ADK: variants seen among roughly 807,000 people sequenced by gnomAD.
ADK encodes the protein adenosine kinase.
ADK carries 24 observed loss-of-function variants against 44.7 expected under a neutral mutation model. That is an observed-to-expected ratio of 0.54 (90% CI 0.39 to 0.76). The LOEUF is 0.76. Ranked by LOEUF, ADK falls within the 30% of genes least tolerant of loss-of-function variation. The pLI is 0.00. For missense variants in ADK, 321 were observed against 425.1 expected, an observed-to-expected ratio of 0.76 and a Z score of 2.15; for synonymous variants, 128 against 142.6, an observed-to-expected ratio of 0.90 and a Z score of 0.73.
intron 4 of ADK, among the ~76,000 whole-genome samples, chr10:74,375,445 G>A (rs1288751609): frequency 6.6e-6 from 1 of 152,186 alleles, no homozygotes; most frequent in Non-Finnish European, 1.5e-5. Flanking sequence ...AGTTGTGCAA[G>A]AATGGATGTA....
intron 2 of ADK, among the ~76,000 whole-genome samples, chr10:74,222,492 C>T (rs948057745): frequency 2.0e-5 from 3 of 151,846 alleles, no homozygotes; most frequent in Non-Finnish European, 4.4e-5. Context: ...ACCATTTGAC[C>T]CAGCCATCCC....
At chr10:74,504,529 A>G (rs761290838) in intron 6 of ADK, among the ~76,000 whole-genome samples, 1 of 152,184 alleles carries the variant, frequency 6.6e-6, no homozygotes, top group Non-Finnish European at 1.5e-5. Flanking sequence ...TGTATATTAT[A>G]TGTATTATAC....
intron 6 of ADK, among the ~76,000 whole-genome samples, chr10:74,496,378 C>G (rs960414025): frequency 6.6e-6 from 1 of 152,160 alleles, no homozygotes; most frequent in Admixed American, 6.5e-5. Flanking sequence ...TTCCTCCATG[C>G]TGTTCTCATG....
At chr10:74,177,035 T>C (rs1050672241) in intron 1 of ADK, 22 of 1,188,002 alleles carry the variant, frequency 1.9e-5, no homozygotes, top group Admixed American at 2.0e-5. Context: ...CACTTTTCAT[T>C]TGGGCATTTC....
intron 1 of ADK, among the ~76,000 whole-genome samples, chr10:74,163,926 C>T (rs549248660): frequency 1.3e-5 from 2 of 152,230 alleles, no homozygotes; most frequent in African/African-American, 4.8e-5. Context: ...TTTCTCAGCC[C>T]AGCTGAGACC....
chr10:74,598,468 T>TTTG (rs1852006188), intron 8 of ADK, among the ~76,000 whole-genome samples: 1 of 143,214 alleles, frequency 7.0e-6, no homozygotes, highest in Non-Finnish European at 1.5e-5. Context: ...TTTTTTTTTT[T>TTTG]GAGATGGCGT....
intron 3 of ADK, among the ~76,000 whole-genome samples, chr10:74,262,328 AAAC>A: frequency 6.6e-6 from 1 of 151,946 alleles, no homozygotes; most frequent in African/African-American, 2.4e-5. Context: ...AAAAAAAAAA[AAAC>A]AAAAAAACTC....
chr10:74,606,787 G>A (rs1426780156), intron 9 of ADK, among the ~76,000 whole-genome samples: 1 of 152,026 alleles, frequency 6.6e-6, no homozygotes, highest in African/African-American at 2.4e-5. Context: ...CCTGAATATC[G>A]TTGTTAATTT....
chr10:74,359,043 T>A (rs1842236651), intron 4 of ADK, among the ~76,000 whole-genome samples: 1 of 152,186 alleles, frequency 6.6e-6, no homozygotes, highest in Non-Finnish European at 1.5e-5. Flanking sequence ...CAAGCAATCC[T>A]CCTGTCTCTG....
intron 1 of ADK, among the ~76,000 whole-genome samples, chr10:74,191,044 A>G (rs938484921): frequency 2.1e-5 from 3 of 143,104 alleles, no homozygotes; most frequent in Admixed American, 1.5e-4. Flanking sequence ...GCAATGGTGT[A>G]ATTTTGGCTC....
In ADK at chr10:74,559,335, G is replaced by A. The variant is rs542421578; in HGVS notation, c.727-29947G>A. ...TTTAATGAAATCATACTTTAATTCT[G>A]TTTTGTATCTTCTCACATAAAATAG... is the stretch of plus-strand genomic sequence containing the variant. On this transcript the variant is annotated intron_variant, in intron 7 of 10. Transcript: ENST00000539909. 9.2e-5 allele frequency among the ~76,000 whole-genome samples: 14 copies of A among 152,318 alleles called. No individual in the cohort carries two copies. The South Asian group carries it at 2.9e-3, about 32-fold the overall frequency.
At chr10:74,704,478 T>C (rs1212678226) in intron 10 of ADK, among the ~76,000 whole-genome samples, 1 of 152,244 alleles carries the variant, frequency 6.6e-6, no homozygotes, top group Non-Finnish European at 1.5e-5. Flanking sequence ...TCACATCAGA[T>C]ACTTTTTGAA....
At chr10:74,256,751 C>T (rs1845838118) in intron 3 of ADK, among the ~76,000 whole-genome samples, 1 of 152,054 alleles carries the variant, frequency 6.6e-6, no homozygotes, top group Admixed American at 6.6e-5. Flanking sequence ...AGAAAATGAC[C>T]TTATTGTTTT....
intron 4 of ADK, among the ~76,000 whole-genome samples, chr10:74,383,631 G>A (rs1843048692): frequency 6.6e-6 from 1 of 152,096 alleles, no homozygotes; most frequent in Non-Finnish European, 1.5e-5. Flanking sequence ...GTAACATAGA[G>A]GGAAATGAAG....
At chr10:74,346,258 T>C (rs897395912) in intron 4 of ADK, among the ~76,000 whole-genome samples, 2 of 152,122 alleles carry the variant, frequency 1.3e-5, no homozygotes, top group Non-Finnish European at 2.9e-5. Context: ...ATGGTACATA[T>C]CATCACCAAA....
At chr10:74,402,578 T>C (rs1843756634) in intron 6 of ADK, among the ~76,000 whole-genome samples, 1 of 152,210 alleles carries the variant, frequency 6.6e-6, no homozygotes, top group Admixed American at 6.5e-5. Context: ...TCTCGTGCCA[T>C]GGTTTTCAGC....
At chr10:74,620,719 T>A (rs533848856) in intron 9 of ADK, among the ~76,000 whole-genome samples, 1 of 152,274 alleles carries the variant, frequency 6.6e-6, no homozygotes, top group South Asian at 2.1e-4. Flanking sequence ...TTTTCTCTTT[T>A]TAATGATAGC....
At position 74,624,409 on chromosome 10, in the gene ADK, A is replaced by G. The variant is rs1460013395; in HGVS notation, c.877+23916A>G. ...GTTTTTAAAGCCTTTCTGGTTTAAT[A>G]AACAATTCTAAAATCTCAAGAAAAT... On this transcript the variant is annotated intron_variant, in intron 9 of 10. Coordinates refer to ENST00000539909, the MANE Select transcript of ADK (RefSeq NM_006721.4). Among the ~76,000 whole-genome samples, 9 of 152,222 alleles carry G rather than the reference A, an allele frequency of 5.9e-5. No individual in the cohort carries two copies. In the East Asian group the frequency reaches 1.7e-3, roughly 29 times the overall value.
At chr10:74,432,286 G>T (rs1002927392) in intron 6 of ADK, among the ~76,000 whole-genome samples, 2 of 152,108 alleles carry the variant, frequency 1.3e-5, no homozygotes, top group Non-Finnish European at 2.9e-5. Flanking sequence ...TTGTAGATTT[G>T]TTAATATATT....
Sources: gnomAD v4.1 joint callset for allele counts (sites outside exome capture counted in the v4.1 genomes callset) on GRCh38, gnomAD v4.1.1 for gene constraint, MANE v1.5 for transcripts, NCBI Gene and HGNC (gene_info 2026-07-23, HGNC 2026-07-21) for gene names.